Variants in EHBP1 observed in about 807,000 individuals in gnomAD.
The protein encoded by EHBP1 is EH domain binding protein 1.
A neutral mutation model predicts 144.0 loss-of-function variants in EHBP1; 55 were observed. The ratio of observed to expected loss-of-function variants is 0.38; its 90% confidence interval spans 0.31 to 0.48. EHBP1 has a LOEUF of 0.48. EHBP1 is among the 20% of genes least tolerant of loss of function. The pLI, the probability that EHBP1 is intolerant of heterozygous loss-of-function variation, is 0.98. For missense variants in EHBP1, 1,200 were observed against 1,364.2 expected, an observed-to-expected ratio of 0.88 and a Z score of 1.90; for synonymous variants, 469 against 472.7, an observed-to-expected ratio of 0.99 and a Z score of 0.10.
chr2:62,746,190 A>C (rs997322343), intron 2 of EHBP1, among the ~76,000 whole-genome samples: 1 of 152,026 alleles, frequency 6.6e-6, no homozygotes, highest in Non-Finnish European at 1.5e-5. Flanking sequence ...CCCATCTATC[A>C]TGTTGTTATA....
chr2:62,977,977 A>G (rs2058790351), intron 14 of EHBP1, among the ~76,000 whole-genome samples: 1 of 152,170 alleles, frequency 6.6e-6, no homozygotes, highest in Non-Finnish European at 1.5e-5. Context: ...TGACACACTC[A>G]GAGCCACAAG....
chr2:62,694,281 C>T (rs939470369), intron 1 of EHBP1, among the ~76,000 whole-genome samples: 2 of 152,068 alleles, frequency 1.3e-5, no homozygotes, highest in African/African-American at 2.4e-5. Flanking sequence ...TCTATTAATG[C>T]TTTTTAAATT....
At chr2:62,877,464 A>G (rs2050988590) in intron 10 of EHBP1, among the ~76,000 whole-genome samples, 1 of 152,206 alleles carries the variant, frequency 6.6e-6, no homozygotes, top group Non-Finnish European at 1.5e-5. Context: ...TAATAAAGAT[A>G]TTCAGAACCT....
In EHBP1 at chr2:62,948,718, C is replaced by A. The variant is rs746407754; in HGVS notation, c.1872C>A (p.Ser624Arg). The change falls in exon 13 of 23, where the codon AGC becomes AGA. Residue 624 changes from serine to arginine, a missense_variant. Ser to Arg is a moderately radical substitution (Grantham distance 110). Coordinates refer to ENST00000431489, the MANE Select transcript of EHBP1 (RefSeq NM_001142616.3). ...SDTEPQKSQQ[S>R]SGRTSGSDDP... Reference sequence around the variant, plus strand: ...CAGAACCCCAGAAGTCTCAGCAGAGCTCTGGAAGGACTTCAGGATCTGATG... The same window carrying A: ...CAGAACCCCAGAAGTCTCAGCAGAGATCTGGAAGGACTTCAGGATCTGATG... 3 of 1,613,916 alleles carry A rather than the reference C, an allele frequency of 1.9e-6. No homozygotes were observed. The East Asian group carries it at 6.7e-5, about 36-fold the overall frequency.
chr2:62,859,274 G>T lies in EHBP1; in HGVS notation c.740G>T (p.Gly247Val). The change falls in exon 8 of 23, where the codon GGA (glycine) becomes GTA (valine). Residue 247 changes from glycine to valine, a missense_variant. Gly to Val is a moderately radical substitution (Grantham distance 109). Transcript: ENST00000431489. ...DPDAAELNPFGDPDSEEPITE... is the reference protein window; with the variant it reads ...DPDAAELNPFVDPDSEEPITE... ...GATGCTGCAGAATTAAATCCATTTG[G>T]AGATCCTGACTCAGAAGGTAGCAAG... The T allele has an allele frequency of 6.2e-7, 1 of 1,604,466 alleles. No individual in the cohort carries two copies. The highest frequency in any genetic ancestry group is 8.5e-7 in the Non-Finnish European group (1 of 1,173,522).
intron 10 of EHBP1, among the ~76,000 whole-genome samples, chr2:62,901,511 T>G (rs2053411634): frequency 1.3e-5 from 2 of 151,990 alleles, no homozygotes; most frequent in Non-Finnish European, 2.9e-5. Context: ...TTGATAGAAC[T>G]GGATAATTTA....
intron 9 of EHBP1, among the ~76,000 whole-genome samples, chr2:62,870,703 G>A (rs1420268267): frequency 3.2e-5 from 4 of 125,490 alleles, no homozygotes; most frequent in African/African-American, 6.5e-5. Flanking sequence ...GCAACAGAGC[G>A]AGACTGCATC....
At chr2:62,714,178 T>C (rs1572929315) in intron 2 of EHBP1, among the ~76,000 whole-genome samples, 1 of 152,138 alleles carries the variant, frequency 6.6e-6, no homozygotes, top group East Asian at 1.9e-4. Context: ...AGGAGTTCAG[T>C]AGTTCAAGAC....
intron 3 of EHBP1, among the ~76,000 whole-genome samples, chr2:62,748,992 A>C (rs1021452018): frequency 1.3e-4 from 20 of 151,684 alleles, no homozygotes; most frequent in African/African-American, 4.4e-4. Context: ...TTTCTTTTTT[A>C]TTTTATTATA....
intron 6 of EHBP1, chr2:62,826,514 A>G: frequency 3.1e-6 from 1 of 318,942 alleles, no homozygotes; most frequent in Non-Finnish European, 5.7e-6. Context: ...ATATTTTAGG[A>G]TATTATAAGT....
At chr2:62,808,218 C>CTTT (rs59599464) in intron 5 of EHBP1, among the ~76,000 whole-genome samples, 1 of 138,130 alleles carries the variant, frequency 7.2e-6, no homozygotes, top group Non-Finnish European at 1.6e-5. Context: ...TCTTCTGTTC[C>CTTT]TTTTTTTTTT....
chr2:62,753,430 T>C (rs573116834), intron 3 of EHBP1, among the ~76,000 whole-genome samples: 2 of 152,292 alleles, frequency 1.3e-5, no homozygotes, highest in South Asian at 4.2e-4. Context: ...TGGCTGCCCT[T>C]AACATTTTTT....
At chr2:62,785,913 C>A (rs1435578947) in intron 5 of EHBP1, among the ~76,000 whole-genome samples, 7 of 152,094 alleles carry the variant, frequency 4.6e-5, no homozygotes, top group Admixed American at 4.6e-4. Context: ...ATCATCCTTT[C>A]CTCATCCATC....
intron 3 of EHBP1, among the ~76,000 whole-genome samples, chr2:62,748,300 T>G (rs1419010039): frequency 1.3e-5 from 2 of 152,124 alleles, no homozygotes; most frequent in African/African-American, 4.8e-5. Context: ...CTGATAATTT[T>G]GTTTGTGGGG....
At position 63,014,951 on chromosome 2, in the gene EHBP1, C is replaced by T. The variant is rs371023982; in HGVS notation, c.3103+18185C>T. On this transcript the variant is annotated intron_variant, in intron 19 of 22. Transcript: ENST00000431489. ...CGAGATCACGCCATTGCACTCCAAC[C>T]GGGGCAACAAGAGTGAAACTCTGTC... Among the ~76,000 whole-genome samples the T allele has an allele frequency of 1.9e-4, 29 of 152,064 alleles. No individual in the cohort carries two copies. The East Asian group carries it at 1.9e-3, about 10-fold the overall frequency.
rs778513013 is a variant in EHBP1, at chr2:63,045,455, CA to C, written c.3441del (p.Gly1148AlafsTer70). On this transcript the variant is annotated frameshift_variant, in exon 23 of 23. Coordinates refer to ENST00000431489, the MANE Select transcript of EHBP1 (RefSeq NM_001142616.3). LOFTEE classifies it high-confidence loss of function. The surrounding 1 kb of genome is among the most constrained non-coding windows in gnomAD (Gnocchi z 5.7). Reference sequence around the variant, plus strand: ...ATTTGGAGCGAACTCTGGAGCAAAACAAAGGCAAGATGGCCAAGAAAGAGGA... The same window carrying C: ...ATTTGGAGCGAACTCTGGAGCAAAACAAGGCAAGATGGCCAAGAAAGAGGA... ...EHLERTLEQN[K>X]GKMAKKEEKC... 6.2e-7 allele frequency: 1 copy of C among 1,614,184 alleles called. No homozygotes were observed.
chr2:62,836,239 C>A (rs1371312095), intron 7 of EHBP1, among the ~76,000 whole-genome samples: 4 of 152,156 alleles, frequency 2.6e-5, no homozygotes, highest in African/African-American at 9.7e-5. Flanking sequence ...CACACTGACA[C>A]CTCACACAGC....
chr2:62,715,920 A>G (rs1198791282), intron 2 of EHBP1, among the ~76,000 whole-genome samples: 2 of 152,330 alleles, frequency 1.3e-5, no homozygotes, highest in South Asian at 4.1e-4. Flanking sequence ...CCTAGCTAAT[A>G]CATGTTATGC....
At chr2:62,847,417 C>G (rs973603119) in intron 7 of EHBP1, among the ~76,000 whole-genome samples, 3 of 151,998 alleles carry the variant, frequency 2.0e-5, no homozygotes, top group African/African-American at 7.3e-5. Context: ...AACCTAGAAA[C>G]CTGTGTTTCT....
Sources: allele counts gnomAD v4.1 joint callset (sites outside exome capture counted in the v4.1 genomes callset), GRCh38; gene constraint gnomAD v4.1.1; non-coding constraint Gnocchi (gnomAD v3.1); transcripts MANE v1.5; gene names NCBI Gene and HGNC (gene_info 2026-07-23, HGNC 2026-07-21).